The following DNAJC25 variants were observed in gnomAD, a reference collection of about 807,000 sequenced individuals.
The protein encoded by DNAJC25 is DnaJ heat shock protein family (Hsp40) member C25.
A neutral mutation model predicts 42.1 loss-of-function variants in DNAJC25; 26 were observed. The observed-to-expected ratio is 0.62, with a 90% CI of 0.45 to 0.86. The LOEUF is 0.86. DNAJC25 is among the 40% of genes least tolerant of loss of function. DNAJC25 has a pLI of 0.00. For missense variants in DNAJC25, 404 were observed against 459.4 expected, an observed-to-expected ratio of 0.88 and a Z score of 1.10; for synonymous variants, 189 against 179.9, an observed-to-expected ratio of 1.05 and a Z score of -0.40.
intron 2 of DNAJC25, among the ~76,000 whole-genome samples, chr9:111,647,811 G>A (rs753118474): frequency 3.3e-5 from 5 of 152,200 alleles, no homozygotes; most frequent in African/African-American, 9.7e-5. Context: ...ACAGAGTCTC[G>A]TTCTGTTGCC....
chr9:111,641,642 C>A (rs1589344095), intron 1 of DNAJC25, among the ~76,000 whole-genome samples: 11 of 137,690 alleles, frequency 8.0e-5, no homozygotes, highest in Admixed American at 2.1e-4. Context: ...GTCAGCCCCC[C>A]GCCCGGCCAG....
chr9:111,641,635 A>T (rs1465166049), intron 1 of DNAJC25, among the ~76,000 whole-genome samples: 1 of 78,980 alleles, frequency 1.3e-5, no homozygotes, highest in Admixed American at 1.2e-4. Flanking sequence ...TGGGGGGGTC[A>T]GCCCCCCGCC....
chr9:111,632,588 T>C (rs1217605638), intron 1 of DNAJC25, among the ~76,000 whole-genome samples: 3 of 152,180 alleles, frequency 2.0e-5, no homozygotes, highest in Admixed American at 6.5e-5. Context: ...ATCTAGGACA[T>C]CACGAAGTAT....
intron 2 of DNAJC25, 112 bp downstream of exon 2, chr9:111,647,371 G>A: frequency 7.4e-7 from 1 of 1,349,668 alleles, no homozygotes; most frequent in South Asian, 1.5e-5. Flanking sequence ...TTTACTTCTA[G>A]TTGAGATCTG....
rs1208658347 is a variant in DNAJC25, at chr9:111,654,064, G to A, written c.*842G>A. On this transcript the variant is annotated 3_prime_UTR_variant, in exon 4 of 4. Coordinates refer to ENST00000313525, the MANE Select transcript of DNAJC25 (RefSeq NM_001015882.3). ...CAAGGCAGAAATAGTGTATTGAAAA[G>A]TTGTTCATCTATTATGAAGTCCTTG... 1 of 152,034 alleles carries A rather than the reference G, an allele frequency of 6.6e-6. No homozygotes were observed. The highest frequency in any genetic ancestry group is 2.4e-5 in the African/African-American group (1 of 41,386). 9.4% of individuals were successfully genotyped at this position (152,034 alleles called of 1,614,324 possible).
chr9:111,634,354 G>T (rs962914154), intron 1 of DNAJC25, among the ~76,000 whole-genome samples: 48 of 152,338 alleles, frequency 3.2e-4, no homozygotes, highest in Middle Eastern at 3.4e-3. Context: ...AGTTGCCAAA[G>T]AATATGTTTT....
intron 2 of DNAJC25, 32 bp from the exon 3 acceptor site, chr9:111,649,421 A>C (rs1447539053): frequency 6.6e-7 from 1 of 1,515,624 alleles, no homozygotes; most frequent in Non-Finnish European, 8.8e-7. Context: ...GGGTAATGAA[A>C]ATGACTCATT....
At chr9:111,635,525 AG>A (rs1413789940) in intron 1 of DNAJC25, among the ~76,000 whole-genome samples, 1 of 152,220 alleles carries the variant, frequency 6.6e-6, no homozygotes, top group Non-Finnish European at 1.5e-5. Flanking sequence ...AGGGTTTTTA[AG>A]TGAGAATGAT....
intron 1 of DNAJC25, among the ~76,000 whole-genome samples, chr9:111,641,012 C>G (rs1830449581): frequency 9.5e-6 from 1 of 104,960 alleles, no homozygotes; most frequent in South Asian, 3.0e-4. Flanking sequence ...GGGGGTCAGC[C>G]CCGCGCCCGG....
Position 111,653,396 on chromosome 9 carries a change from G to A in DNAJC25, c.*174G>A. ...CCTTCCCTTAAAACTTTATACATAA[G>A]ACATTTATGATTGTTCAATTTTTAT... is the stretch of plus-strand genomic sequence containing the variant. On this transcript the variant is annotated 3_prime_UTR_variant, in exon 4 of 4. Coordinates refer to ENST00000313525, the MANE Select transcript of DNAJC25 (RefSeq NM_001015882.3). 3.2e-6 allele frequency: 2 copies of A among 619,592 alleles called. No individual in the cohort carries two copies. Among genetic ancestry groups the A allele is most frequent in the Admixed American group, 4.4e-5 (1 of 22,628 alleles). 38.4% of individuals were successfully genotyped at this position (619,592 alleles called of 1,614,324 possible). A position where few individuals can be genotyped will look rare whatever the true frequency, so the allele number is the denominator to read the frequency against.
rs1830281836 is a variant in DNAJC25, at chr9:111,631,691, A to C, written c.284A>C (p.Gln95Pro). The change falls in exon 1 of 4, where the codon CAG becomes CCG. Residue 95 changes from glutamine (Q) to proline (P), a missense_variant. Physicochemically the swap from Gln to Pro is moderately conservative, Grantham distance 76. Coordinates refer to ENST00000313525, the MANE Select transcript of DNAJC25 (RefSeq NM_001015882.3). ...GACGAGGGCCCCGGGCGGACGCCGC[A>C]GAGCGCCGAGGAGGCTTTCCTGCTG... ...PGDEGPGRTP[Q>P]SAEEAFLLVA... 6.6e-7 allele frequency: 1 copy of C among 1,524,628 alleles called. No homozygotes were observed. Among genetic ancestry groups the C allele is most frequent in the Non-Finnish European group, 8.8e-7 (1 of 1,142,344 alleles). The allele number at this position is 1,524,628 out of a possible 1,614,324, so 94.4% of individuals were successfully genotyped here. A position where few individuals can be genotyped will look rare whatever the true frequency, so the allele number is the denominator to read the frequency against.
chr9:111,650,053 C>T (rs1830633249), intron 3 of DNAJC25, 130 bp downstream of exon 3: 20 of 842,066 alleles, frequency 2.4e-5, no homozygotes, highest in Non-Finnish European at 3.4e-5. Context: ...TTAGTAAAGA[C>T]CTTTTATTGA....
chr9:111,651,996 G>C (rs1170578861), intron 3 of DNAJC25, among the ~76,000 whole-genome samples: 1 of 152,124 alleles, frequency 6.6e-6, no homozygotes, highest in African/African-American at 2.4e-5. Context: ...GTTCAGTTTG[G>C]AGATAAACAT....
intron 1 of DNAJC25, among the ~76,000 whole-genome samples, chr9:111,644,390 A>G (rs1269098714): frequency 2.6e-5 from 4 of 152,216 alleles, no homozygotes; most frequent in Admixed American, 2.0e-4. Flanking sequence ...GGTAAAGTCA[A>G]TAATCTAGAA....
intron 1 of DNAJC25, among the ~76,000 whole-genome samples, chr9:111,639,503 G>C (rs1346921289): frequency 6.6e-6 from 1 of 152,114 alleles, no homozygotes; most frequent in Non-Finnish European, 1.5e-5. Flanking sequence ...TTGAGACTAT[G>C]TGCAGAATGA....
chr9:111,646,402 A>G (rs1830568420), intron 1 of DNAJC25, among the ~76,000 whole-genome samples: 1 of 152,220 alleles, frequency 6.6e-6, no homozygotes, highest in Non-Finnish European at 1.5e-5. Context: ...TCGGTAAGGA[A>G]GATCTATATG....
chr9:111,647,170 T>C lies in DNAJC25; in HGVS notation c.400T>C (p.Tyr134His). 6.2e-7 allele frequency: 1 copy of C among 1,614,212 alleles called. No individual in the cohort carries two copies. Among genetic ancestry groups the C allele is most frequent in the Non-Finnish European group, 8.5e-7 (1 of 1,180,038 alleles). The change falls in exon 2 of 4, where the codon TAC becomes CAC. Residue 134 changes from tyrosine (Y) to histidine (H), a missense_variant. Physicochemically the swap from Tyr to His is moderately conservative, Grantham distance 83 (BLOSUM62 2). Coordinates refer to ENST00000313525, the MANE Select transcript of DNAJC25 (RefSeq NM_001015882.3). The part of the protein sequence containing the change: ...LDHPEEYYSH[Y>H]YHYYSRRLAP... ...TCATCCAGAAGAGTACTACAGCCATTACTACCACTACTATAGCAGGCGCTT... is the reference window on the plus strand; with the variant it reads ...TCATCCAGAAGAGTACTACAGCCATCACTACCACTACTATAGCAGGCGCTT...
intron 1 of DNAJC25, among the ~76,000 whole-genome samples, chr9:111,643,828 A>G (rs1248933417): frequency 2.0e-5 from 3 of 151,888 alleles, no homozygotes; most frequent in South Asian, 2.1e-4. Flanking sequence ...TCCCAGAAGG[A>G]TGGTCCTTCT....
chr9:111,651,422 GTCTT>G (rs1200200608), intron 3 of DNAJC25, among the ~76,000 whole-genome samples: 2 of 152,238 alleles, frequency 1.3e-5, no homozygotes, highest in East Asian at 1.9e-4. Flanking sequence ...GCAAAACTGT[GTCTT>G]TCTTAGGGTG....
Sources: gnomAD v4.1 joint callset for allele counts (sites outside exome capture counted in the v4.1 genomes callset) on GRCh38, gnomAD v4.1.1 for gene constraint, MANE v1.5 for transcripts, NCBI Gene and HGNC (gene_info 2026-07-23, HGNC 2026-07-21) for gene names.